Variants in ATP8B4 observed in about 807,000 individuals in gnomAD.
ATP8B4 encodes the protein probable phospholipid-transporting ATPase IM.
Under a neutral mutation model 145.6 loss-of-function variants are expected in ATP8B4, and 133 were observed. The observed-to-expected ratio is 0.91, with a 90% CI of 0.79 to 1.05. The LOEUF is 1.05. Ranked by LOEUF, ATP8B4 falls within the 50% of genes least tolerant of loss-of-function variation. ATP8B4 has a pLI of 0.00. For synonymous variants in ATP8B4, 507 were observed against 492.9 expected, an observed-to-expected ratio of 1.03 and a Z score of -0.38; for missense variants, 1,458 against 1,425.2, an observed-to-expected ratio of 1.02 and a Z score of -0.37.
chr15:49,985,222 G>A (rs1416238141), intron 10 of ATP8B4, among the ~76,000 whole-genome samples: 3 of 151,542 alleles, frequency 2.0e-5, no homozygotes, highest in South Asian at 4.2e-4. Context: ...TCAGCCTCCC[G>A]AGTAGCTGGG....
intron 2 of ATP8B4, among the ~76,000 whole-genome samples, chr15:50,085,007 T>A (rs1032871572): frequency 6.6e-6 from 1 of 152,044 alleles, no homozygotes; most frequent in African/African-American, 2.4e-5. Flanking sequence ...GGGCAAGGGG[T>A]ATTATTTTGC....
intron 12 of ATP8B4, among the ~76,000 whole-genome samples, chr15:49,978,160 A>G (rs1040957904): frequency 6.6e-6 from 1 of 152,234 alleles, no homozygotes; most frequent in Non-Finnish European, 1.5e-5. Context: ...GTGAGGACAT[A>G]TGAAACTGCA....
chr15:50,095,032 G>A (rs142241587), intron 2 of ATP8B4, among the ~76,000 whole-genome samples: 15 of 152,178 alleles, frequency 9.9e-5, no homozygotes, highest in Non-Finnish European at 2.1e-4. Context: ...CACTGGAGAA[G>A]CCAAGAGCAT....
At chr15:49,982,543 A>T (rs2046249165) in intron 10 of ATP8B4, 1 of 152,116 alleles carries the variant, frequency 6.6e-6, no homozygotes, top group South Asian at 2.1e-4. Context: ...GAGACTGGGG[A>T]TATTTGGTGC....
At chr15:49,974,913 C>A (rs1188019094) in intron 12 of ATP8B4, among the ~76,000 whole-genome samples, 3 of 152,144 alleles carry the variant, frequency 2.0e-5, no homozygotes, top group Non-Finnish European at 4.4e-5. Context: ...CAATTTTATT[C>A]ATTGATATGA....
chr15:49,859,682 T>C lies in ATP8B4; in HGVS notation c.*512A>G, dbSNP rs962432084. On this transcript the variant is annotated 3_prime_UTR_variant, in exon 28 of 28. Coordinates refer to ENST00000284509, the MANE Select transcript of ATP8B4 (RefSeq NM_024837.4). ...TGAACAGACAGGTAGATATCAAGAC[T>C]AAAGAGTGACATGCAACTCAGTCTG... is the stretch of plus-strand genomic sequence containing the variant. 1 of 153,664 alleles carries C rather than the reference T, an allele frequency of 6.5e-6. No individual in the cohort carries two copies. Among genetic ancestry groups the C allele is most frequent in the African/African-American group, 2.4e-5 (1 of 41,448 alleles). 9.5% of individuals were successfully genotyped at this position (153,664 alleles called of 1,614,324 possible). A position where few individuals can be genotyped will look rare whatever the true frequency, so the allele number is the denominator to read the frequency against.
At chr15:49,933,067 C>T (rs1323321337) in intron 15 of ATP8B4, among the ~76,000 whole-genome samples, 3 of 151,812 alleles carry the variant, frequency 2.0e-5, no homozygotes, top group East Asian at 3.9e-4. Flanking sequence ...AATGTAAATC[C>T]TTTCTGGAGG....
intron 3 of ATP8B4, among the ~76,000 whole-genome samples, chr15:50,070,413 T>C (rs1221609422): frequency 1.3e-5 from 2 of 152,220 alleles, no homozygotes; most frequent in Non-Finnish European, 2.9e-5. Context: ...TTACAATAAC[T>C]GTATTAAATA....
At chr15:50,054,129 T>A (rs1004990081) in intron 3 of ATP8B4, among the ~76,000 whole-genome samples, 1 of 152,260 alleles carries the variant, frequency 6.6e-6, no homozygotes, top group Non-Finnish European at 1.5e-5. Context: ...CTAGTCAGGA[T>A]AACCAGCTAT....
intron 2 of ATP8B4, among the ~76,000 whole-genome samples, chr15:50,106,387 T>C (rs1204120898): frequency 6.6e-6 from 1 of 152,216 alleles, no homozygotes. Flanking sequence ...AAAGTGTTAA[T>C]AATACTATTA....
chr15:49,901,129 G>T lies in ATP8B4; in HGVS notation c.2252C>A (p.Thr751Lys). The change falls in exon 21 of 28, where the codon ACA becomes AAA. Residue 751 changes from threonine to lysine, a missense_variant. Coordinates refer to ENST00000284509, the MANE Select transcript of ATP8B4 (RefSeq NM_024837.4). ...ATTTATGATTAAGGCATAATCTCCT[G>T]TTATGGTTTCTTCTACAATAGAATC... ...ELDSIVEETI[T>K]GDYALIINGH... 6.2e-7 allele frequency: 1 copy of T among 1,613,432 alleles called. No individual in the cohort carries two copies. Among genetic ancestry groups the T allele is most frequent in the Non-Finnish European group, 8.5e-7 (1 of 1,179,600 alleles).
chr15:50,010,536 G>A (rs945738054), intron 7 of ATP8B4, among the ~76,000 whole-genome samples: 14 of 151,714 alleles, frequency 9.2e-5, no homozygotes, highest in African/African-American at 3.4e-4. Context: ...AAGTACTCAG[G>A]AGCATTTTTA....
chr15:50,120,151 T>G (rs1381797573), upstream of ATP8B4, among the ~76,000 whole-genome samples: 1 of 152,148 alleles, frequency 6.6e-6, no homozygotes, highest in African/African-American at 2.4e-5. Context: ...TAATCATGTC[T>G]CTATAACCAG....
rs576651863 is a variant in ATP8B4, at chr15:50,178,377, C to G, written c.-43+3884G>C. Among the ~76,000 whole-genome samples, 13 of 152,220 alleles carry G rather than the reference C, an allele frequency of 8.5e-5. No homozygotes were observed. The South Asian group carries it at 2.5e-3, about 29-fold the overall frequency. On this transcript the variant is annotated intron_variant, in intron 1 of 3. Transcript: ENST00000558829. ...CAAGATCTGGCTCTATTTCATATTT[C>G]CCTGTGGAATTTATGTTACTGAATA...
At chr15:50,030,884 T>C (rs2050382499) in intron 6 of ATP8B4, among the ~76,000 whole-genome samples, 1 of 152,238 alleles carries the variant, frequency 6.6e-6, no homozygotes, top group Admixed American at 6.5e-5. Context: ...AGAAATTGTA[T>C]TCATGCAATA....
At chr15:49,875,517 C>T (rs1001249292) in intron 25 of ATP8B4, among the ~76,000 whole-genome samples, 1 of 152,130 alleles carries the variant, frequency 6.6e-6, no homozygotes, top group Admixed American at 6.5e-5. Context: ...TGTACCTACT[C>T]GGAGCTACAG....
chr15:50,007,443 T>C (rs1263376717), intron 7 of ATP8B4, among the ~76,000 whole-genome samples: 1 of 152,210 alleles, frequency 6.6e-6, no homozygotes, highest in African/African-American at 2.4e-5. Context: ...CTCCTGAATG[T>C]CCCATTGGCG....
At position 50,106,958 on chromosome 15, in the gene ATP8B4, G is replaced by A; in HGVS notation, c.9C>T (p.Cys3=). MF[C]SEKKLREVER... is the part of the protein sequence containing the mutation. ...ACTTACCACGCAATTTCTTTTCACT[G>A]CAGAACATTATTATACCTGATCTTT... The change falls in exon 2 of 28, where the codon TGC becomes TGT. Residue 3 remains cysteine (C), a synonymous_variant. Coordinates refer to ENST00000284509, the MANE Select transcript of ATP8B4 (RefSeq NM_024837.4). The A allele has an allele frequency of 3.1e-6, 5 of 1,597,668 alleles. No homozygotes were observed. Among genetic ancestry groups the A allele is most frequent in the Admixed American group, 1.7e-5 (1 of 57,824 alleles).
chr15:49,987,474 T>C lies in ATP8B4; in HGVS notation c.665A>G (p.His222Arg). 2 of 1,613,852 alleles carry C rather than the reference T, an allele frequency of 1.2e-6. No individual in the cohort carries two copies. The highest frequency in any genetic ancestry group is 1.7e-6 in the Non-Finnish European group (2 of 1,179,786). The change falls in exon 10 of 28, where the codon CAT becomes CGT. Residue 222 changes from histidine (H) to arginine (R), a missense_variant. Physicochemically the swap from His to Arg is conservative, Grantham distance 29. Coordinates refer to ENST00000284509, the MANE Select transcript of ATP8B4 (RefSeq NM_024837.4). ...MGILSWKDSK[H>R]SLNNEKIILR... ...GATTATCTTCTCATTGTTGAGGGAA[T>C]GCTTGCTGTCTTTCCAAGAAAGGAT...
Sources: gnomAD v4.1 joint callset for allele counts (sites outside exome capture counted in the v4.1 genomes callset) on GRCh38, gnomAD v4.1.1 for gene constraint, MANE v1.5 for transcripts, NCBI Gene and HGNC (gene_info 2026-07-23, HGNC 2026-07-21) for gene names.